Variants in DGKB observed in about 807,000 individuals in gnomAD.
DGKB encodes diacylglycerol kinase beta.
DGKB carries 67 observed loss-of-function variants against 114.3 expected under a neutral mutation model. The ratio of observed to expected loss-of-function variants is 0.59; its 90% CI spans 0.48 to 0.72. DGKB has a LOEUF of 0.72. Ranked by LOEUF, DGKB falls within the 30% of genes least tolerant of loss-of-function variation. DGKB has a pLI of 0.00. For synonymous variants in DGKB, 398 were observed against 323.1 expected (o/e 1.23, Z -2.49); for missense variants, 907 against 975.2 (o/e 0.93, Z 0.93).
intron 21 of DGKB, among the ~76,000 whole-genome samples, chr7:14,376,843 T>A (rs1358807134): frequency 6.6e-6 from 1 of 152,166 alleles, no homozygotes; most frequent in Non-Finnish European, 1.5e-5. Context: ...GTAATCTTGT[T>A]CCTCGAAGCA....
chr7:14,780,103 C>G (rs958567413), intron 2 of DGKB, among the ~76,000 whole-genome samples: 2 of 152,142 alleles, frequency 1.3e-5, no homozygotes, highest in Non-Finnish European at 2.9e-5. Context: ...GACACTTAAA[C>G]AGTGATGTGC....
chr7:14,414,600 T>A (rs1825417682), intron 21 of DGKB, among the ~76,000 whole-genome samples: 1 of 152,134 alleles, frequency 6.6e-6, no homozygotes, highest in Non-Finnish European at 1.5e-5. Flanking sequence ...TCTTACAACA[T>A]TAAAATTCTT....
intron 21 of DGKB, among the ~76,000 whole-genome samples, chr7:14,378,430 A>G (rs903662976): frequency 2.6e-5 from 4 of 152,226 alleles, no homozygotes; most frequent in African/African-American, 9.6e-5. Context: ...GGAAAAGTAG[A>G]TAAAATGGAT....
intron 4 of DGKB, among the ~76,000 whole-genome samples, chr7:14,751,898 C>T (rs1834175326): frequency 1.3e-5 from 2 of 152,196 alleles, no homozygotes; most frequent in Admixed American, 1.3e-4. Context: ...TCTATGAAAT[C>T]ACATTGGTCA....
At chr7:14,193,839 T>C (rs1398371252) in intron 23 of DGKB, among the ~76,000 whole-genome samples, 1 of 151,186 alleles carries the variant, frequency 6.6e-6, no homozygotes, top group Non-Finnish European at 1.5e-5. Context: ...CACAAACAAC[T>C]CAATGGGAAA....
intron 22 of DGKB, among the ~76,000 whole-genome samples, chr7:14,339,545 A>G (rs1264372871): frequency 2.0e-5 from 3 of 152,086 alleles, no homozygotes; most frequent in Non-Finnish European, 2.9e-5. Context: ...ATGTTTTGTT[A>G]TATTCAGAGT....
intron 21 of DGKB, among the ~76,000 whole-genome samples, chr7:14,408,260 G>A (rs551100551): frequency 6.6e-6 from 1 of 152,172 alleles, no homozygotes; most frequent in East Asian, 1.9e-4. Flanking sequence ...TAAACCCTAG[G>A]TGTTGGAGGC....
At chr7:14,899,231 C>A (rs1460940649) in intron 1 of DGKB, among the ~76,000 whole-genome samples, 1 of 152,054 alleles carries the variant, frequency 6.6e-6, no homozygotes, top group East Asian at 1.9e-4. Context: ...AGTGATTGTG[C>A]AAGAATCAGC....
At chr7:14,900,638 A>G (rs1782871894) in intron 1 of DGKB, among the ~76,000 whole-genome samples, 1 of 152,116 alleles carries the variant, frequency 6.6e-6, no homozygotes, top group South Asian at 2.1e-4. Context: ...TATCCCAGCA[A>G]AACTTACCAA....
chr7:14,673,066 T>C (rs992255477), intron 12 of DGKB, 39 bp from the exon 13 acceptor site: 1 of 1,175,150 alleles, frequency 8.5e-7, no homozygotes, highest in Admixed American at 2.0e-5. Context: ...AAATTCTACA[T>C]GACAACGCCT....
chr7:14,659,494 G>A (rs1327771472), intron 13 of DGKB, among the ~76,000 whole-genome samples: 4 of 149,624 alleles, frequency 2.7e-5, no homozygotes, highest in East Asian at 4.2e-4. Context: ...CCTTGAAGCA[G>A]TTGTGAATGG....
At chr7:14,392,995 G>GTTTTTTTGTTTTTTTTGTTTTT (rs1554404750) in intron 21 of DGKB, among the ~76,000 whole-genome samples, 2 of 60,546 alleles carry the variant, frequency 3.3e-5, no homozygotes, top group Non-Finnish European at 3.4e-5. Flanking sequence ...TTTTGTTTTT[G>GTTTTTTTGTTTTTTTTGTTTTT]TTTTTTTTTT....
intron 7 of DGKB, 36 bp from the exon 8 acceptor site, chr7:14,698,205 A>C: frequency 7.7e-7 from 1 of 1,293,670 alleles, no homozygotes; most frequent in Non-Finnish European, 1.1e-6. Context: ...TATGAATACA[A>C]GATCTTAGTG....
intron 21 of DGKB, among the ~76,000 whole-genome samples, chr7:14,397,042 GGAGA>G (rs148538737): frequency 6.6e-6 from 1 of 150,608 alleles, no homozygotes; most frequent in East Asian, 1.9e-4. Context: ...AAGCTTTCTG[GGAGA>G]GAGAGAGAGA....
At chr7:14,782,138 C>A (rs1230747537) in intron 2 of DGKB, among the ~76,000 whole-genome samples, 1 of 152,114 alleles carries the variant, frequency 6.6e-6, no homozygotes, top group Non-Finnish European at 1.5e-5. Flanking sequence ...AATTCTCATG[C>A]CTCAGTCTCC....
At chr7:14,873,201 G>A (rs1273148445) in intron 1 of DGKB, among the ~76,000 whole-genome samples, 1 of 152,034 alleles carries the variant, frequency 6.6e-6, no homozygotes, top group Non-Finnish European at 1.5e-5. Flanking sequence ...TTCTTGTCTG[G>A]TAATAACTTT....
At chr7:14,632,576 C>T (rs529603653) in intron 13 of DGKB, among the ~76,000 whole-genome samples, 17 of 151,628 alleles carry the variant, frequency 1.1e-4, no homozygotes, top group African/African-American at 1.7e-4. Context: ...TATCCTTTAA[C>T]GCCTAAAAGT....
At chr7:14,149,349 G>GAAAC in intron 25 of DGKB, 111 bp from the exon 26 acceptor site, 1 of 694,430 alleles carries the variant, frequency 1.4e-6, no homozygotes, top group Non-Finnish European at 2.3e-6. Context: ...ATGAGTGACT[G>GAAAC]AAACACCGCA....
intron 17 of DGKB, among the ~76,000 whole-genome samples, chr7:14,584,911 T>C (rs1450478326): frequency 6.6e-6 from 1 of 152,002 alleles, no homozygotes; most frequent in Non-Finnish European, 1.5e-5. Flanking sequence ...CCATTCTCCT[T>C]GGCCTCCCAA....
Sources: allele counts gnomAD v4.1 joint callset (sites outside exome capture counted in the v4.1 genomes callset), GRCh38; gene constraint gnomAD v4.1.1; transcripts MANE v1.5; gene names NCBI Gene and HGNC (gene_info 2026-07-23, HGNC 2026-07-21).